CSNK1G3: variants seen among roughly 807,000 people sequenced by gnomAD.
The protein encoded by CSNK1G3 is casein kinase I isoform gamma-3.
Under a neutral mutation model 64.3 loss-of-function variants are expected in CSNK1G3, and 23 were observed. That is an observed-to-expected ratio of 0.36 (90% CI 0.26 to 0.51). The LOEUF (loss-of-function observed/expected upper bound fraction) is 0.51, where lower values mean the gene tolerates loss of function less well. Ranked by LOEUF, CSNK1G3 falls within the 20% of genes least tolerant of loss-of-function variation. The pLI is 0.96. For missense variants in CSNK1G3, 357 were observed against 510.5 expected (o/e 0.70, Z 2.90); for synonymous variants, 158 against 162.2 (o/e 0.97, Z 0.20).
chr5:123,539,449 A>T (rs200888909), intron 1 of CSNK1G3, among the ~76,000 whole-genome samples: 9 of 151,274 alleles, frequency 5.9e-5, no homozygotes, highest in South Asian at 2.1e-4. Context: ...AAAAAAAAAA[A>T]AAAAAAGATT....
chr5:123,563,275 G>A (rs770937624), intron 4 of CSNK1G3, among the ~76,000 whole-genome samples: 22 of 151,742 alleles, frequency 1.4e-4, no homozygotes, highest in Non-Finnish European at 2.1e-4. Context: ...ATCATTTCTC[G>A]AGTGGCTTGA....
intron 6 of CSNK1G3, among the ~76,000 whole-genome samples, chr5:123,577,159 C>T (rs1789330472): frequency 6.6e-6 from 1 of 151,988 alleles, no homozygotes; most frequent in East Asian, 1.9e-4. Flanking sequence ...TCTTTTGGTG[C>T]AGCAAGTTCT....
intron 2 of CSNK1G3, among the ~76,000 whole-genome samples, chr5:123,547,292 G>C (rs1782704464): frequency 6.6e-6 from 1 of 152,018 alleles, no homozygotes; most frequent in African/African-American, 2.4e-5. Context: ...ACTGTAAAAA[G>C]ACCAACACTA....
chr5:123,539,571 T>G (rs1485343567), intron 1 of CSNK1G3, among the ~76,000 whole-genome samples: 1 of 152,212 alleles, frequency 6.6e-6, no homozygotes, highest in African/African-American at 2.4e-5. Context: ...TTGTTAAACT[T>G]TCTACATATT....
intron 10 of CSNK1G3, 53 bp downstream of exon 10, chr5:123,591,467 C>A: frequency 8.7e-7 from 1 of 1,146,978 alleles, no homozygotes; most frequent in Non-Finnish European, 1.3e-6. Flanking sequence ...GAAACATACA[C>A]TTTTTTCTTC....
intron 4 of CSNK1G3, among the ~76,000 whole-genome samples, chr5:123,566,853 A>G (rs74916620): frequency 6.6e-6 from 1 of 152,084 alleles, no homozygotes; most frequent in Admixed American, 6.6e-5. Context: ...TAAAAAAAAA[A>G]GTGAAGGTAG....
chr5:123,609,269 C>T (rs1795895285), intron 12 of CSNK1G3, among the ~76,000 whole-genome samples: 1 of 152,072 alleles, frequency 6.6e-6, no homozygotes, highest in African/African-American at 2.4e-5. Context: ...CAGGTTGATC[C>T]TTAGGAAAAT....
intron 1 of CSNK1G3, among the ~76,000 whole-genome samples, chr5:123,512,876 G>A (rs1181507629): frequency 6.6e-6 from 1 of 152,028 alleles, no homozygotes; most frequent in Non-Finnish European, 1.5e-5. Context: ...GGTGCGGCGC[G>A]ACTGGGGCGG....
At chr5:123,541,426 A>G (rs997911020) in intron 1 of CSNK1G3, among the ~76,000 whole-genome samples, 15 of 151,886 alleles carry the variant, frequency 9.9e-5, no homozygotes, top group African/African-American at 3.4e-4. Context: ...GTATAGTTGT[A>G]TTTGTTCATT....
In CSNK1G3 at chr5:123,604,833, ATG is replaced by A. The variant is rs1240845890; in HGVS notation, c.1193+7_1193+8del. 1.2e-5 allele frequency: 19 copies of A among 1,590,994 alleles called. No homozygotes were observed. Among genetic ancestry groups the A allele is most frequent in the Non-Finnish European group, 1.6e-5 (19 of 1,164,078 alleles). ...GTAGAAGTGATGGATGAAACCAAGT[ATG>A]TGTTTGTTTTACTTGTTTTAGTAAC... On this transcript the variant is annotated splice_donor_5th_base_variant and intron_variant, in intron 11 of 12. Coordinates refer to ENST00000345990, the Ensembl canonical transcript of CSNK1G3.
chr5:123,521,684 G>A (rs528738687), intron 1 of CSNK1G3, among the ~76,000 whole-genome samples: 1 of 152,180 alleles, frequency 6.6e-6, no homozygotes, highest in African/African-American at 2.4e-5. Context: ...TTTCTTCTGT[G>A]ACAGAGTAAA....
At chr5:123,603,452 C>T (rs1355153753) in intron 10 of CSNK1G3, among the ~76,000 whole-genome samples, 1 of 151,854 alleles carries the variant, frequency 6.6e-6, no homozygotes, top group African/African-American at 2.4e-5. Flanking sequence ...CTATTCTCTG[C>T]GAGACATAGC....
intron 2 of CSNK1G3, among the ~76,000 whole-genome samples, chr5:123,547,737 ATC>A (rs1304730021): frequency 6.6e-6 from 1 of 152,042 alleles, no homozygotes; most frequent in Non-Finnish European, 1.5e-5. Flanking sequence ...TAAATGTATT[ATC>A]TCTATATATC....
intron 4 of CSNK1G3, among the ~76,000 whole-genome samples, chr5:123,569,618 G>T (rs1443525137): frequency 1.3e-5 from 2 of 152,142 alleles, no homozygotes; most frequent in Admixed American, 6.5e-5. Flanking sequence ...TTGGAAAACT[G>T]TCAAGGTCAT....
rs1794083484 is a variant in CSNK1G3 at position 123,599,593 on chromosome 5, T to C, written c.1087-5131T>C. On this transcript the variant is annotated intron_variant, in intron 10 of 12. Transcript: ENST00000345990. ...ACTATTGTCTCAATTACATTAATCG[T>C]GAATACTGACCTTTCTAAAACATTT... 2.0e-5 allele frequency among the ~76,000 whole-genome samples: 3 copies of C among 152,336 alleles called. No homozygotes were observed. The South Asian group carries it at 6.2e-4, about 32-fold the overall frequency.
rs867810573 is a variant in CSNK1G3, at chr5:123,528,305, C to T, written c.-248+15735C>T. Among the ~76,000 whole-genome samples, 3 of 152,154 alleles carry T rather than the reference C, an allele frequency of 2.0e-5. No homozygotes were observed. In the Middle Eastern group the frequency reaches 0.01, roughly 518 times the overall value. On this transcript the variant is annotated intron_variant, in intron 1 of 12. Coordinates refer to ENST00000345990, the Ensembl canonical transcript of CSNK1G3. ...TTAGAGCTATAAATTGCCTGCCTGC[C>T]CATAACTTTCTCTTTCCTCTTCTAT... is the stretch of plus-strand genomic sequence containing the variant.
intron 5 of CSNK1G3, among the ~76,000 whole-genome samples, chr5:123,574,071 G>A (rs759250969): frequency 1.7e-4 from 26 of 152,036 alleles, no homozygotes; most frequent in Admixed American, 2.6e-4. Context: ...GGATGGTCTC[G>A]ATCTCCTGAC....
chr5:123,544,178 C>A (rs1561488218), intron 1 of CSNK1G3, among the ~76,000 whole-genome samples: 1 of 152,174 alleles, frequency 6.6e-6, no homozygotes, highest in Admixed American at 6.6e-5. Flanking sequence ...ATAGCCCTCT[C>A]CAGCACAAGA....
intron 1 of CSNK1G3, among the ~76,000 whole-genome samples, chr5:123,533,778 T>A (rs188452928): frequency 3.3e-5 from 5 of 151,996 alleles, no homozygotes; most frequent in Admixed American, 1.3e-4. Context: ...TTCTCTTCTG[T>A]TCTTCATATG....
Sources: allele counts gnomAD v4.1 joint callset (sites outside exome capture counted in the v4.1 genomes callset), GRCh38; gene constraint gnomAD v4.1.1; transcripts MANE v1.5; gene names NCBI Gene and HGNC (gene_info 2026-07-23, HGNC 2026-07-21).